Variants in KCNC2 observed in about 807,000 individuals in gnomAD.
KCNC2 encodes voltage-gated potassium channel KCNC2.
A neutral mutation model predicts 44.5 loss-of-function variants in KCNC2; 21 were observed. The ratio of observed to expected loss-of-function variants is 0.47; its 90% CI spans 0.33 to 0.68. The LOEUF is 0.68. Among genes scored for constraint, KCNC2 ranks in the 30% least tolerant of loss-of-function variants. The pLI is 0.01. For missense variants in KCNC2, 589 were observed against 826.2 expected, an observed-to-expected ratio of 0.71 and a Z score of 3.52; for synonymous variants, 391 against 339.1, an observed-to-expected ratio of 1.15 and a Z score of -1.68.
intron 2 of KCNC2, among the ~76,000 whole-genome samples, chr12:75,065,536 C>T (rs1371620049): frequency 1.3e-5 from 2 of 151,918 alleles, no homozygotes; most frequent in Admixed American, 6.6e-5. Flanking sequence ...GATTATAAAA[C>T]CATGTTTTTA....
At chr12:75,092,090 A>G (rs1885531346) in intron 2 of KCNC2, among the ~76,000 whole-genome samples, 1 of 151,664 alleles carries the variant, frequency 6.6e-6, no homozygotes, top group African/African-American at 2.4e-5. Context: ...CTTGATTGAA[A>G]TGCAGATTTC....
chr12:75,062,340 A>T (rs927759359), intron 2 of KCNC2, among the ~76,000 whole-genome samples: 2 of 152,146 alleles, frequency 1.3e-5, no homozygotes, highest in African/African-American at 4.8e-5. Flanking sequence ...ACATGCATAC[A>T]TGCTAAACTC....
At chr12:75,200,496 A>G (rs573130050) in intron 2 of KCNC2, among the ~76,000 whole-genome samples, 2 of 151,822 alleles carry the variant, frequency 1.3e-5, no homozygotes, top group Admixed American at 6.6e-5. Flanking sequence ...ACTTAAAGCC[A>G]TATTCCCACA....
At chr12:75,179,270 T>G (rs1157746673) in intron 2 of KCNC2, among the ~76,000 whole-genome samples, 1 of 151,990 alleles carries the variant, frequency 6.6e-6, no homozygotes, top group African/African-American at 2.4e-5. Flanking sequence ...GCGAAATTTT[T>G]TTTAACTGAA....
chr12:75,063,345 A>T (rs1882526219), intron 2 of KCNC2, among the ~76,000 whole-genome samples: 1 of 152,108 alleles, frequency 6.6e-6, no homozygotes, highest in Non-Finnish European at 1.5e-5. Flanking sequence ...ATCAATACTC[A>T]ACATATGATT....
intron 2 of KCNC2, among the ~76,000 whole-genome samples, chr12:75,176,466 C>A (rs967759468): frequency 1.3e-5 from 2 of 151,944 alleles, no homozygotes; most frequent in Non-Finnish European, 2.9e-5. Flanking sequence ...CCTGTAAGAT[C>A]TAGTGCCCTA....
intron 2 of KCNC2, among the ~76,000 whole-genome samples, chr12:75,152,347 C>T (rs539100968): frequency 1.1e-4 from 16 of 151,612 alleles, no homozygotes; most frequent in East Asian, 5.8e-4. Context: ...AACAAAAACA[C>T]GTTATTAAAA....
At chr12:75,077,237 T>C (rs1293983104) in intron 2 of KCNC2, among the ~76,000 whole-genome samples, 3 of 152,172 alleles carry the variant, frequency 2.0e-5, no homozygotes, top group African/African-American at 7.2e-5. Context: ...GTATGAGCAT[T>C]TTCTGGGGGA....
Position 75,042,103 on chromosome 12 carries a change from A to T in KCNC2, c.*1002T>A. 1 of 1,239,232 alleles carries T rather than the reference A, an allele frequency of 8.1e-7. No individual in the cohort carries two copies. The highest frequency in any genetic ancestry group is 1.0e-6 in the Non-Finnish European group (1 of 991,148). 76.8% of individuals were successfully genotyped at this position (1,239,232 alleles called of 1,614,324 possible). A position where few individuals can be genotyped will look rare whatever the true frequency, so the allele number is the denominator to read the frequency against. On this transcript the variant is annotated 3_prime_UTR_variant, in exon 5 of 5. Transcript: ENST00000549446. ...ACCAGTGACATTTGATGTTTGCACA[A>T]AAAATTAATAAATAAAAATAAAATA...
At chr12:75,145,539 C>T (rs1303713372) in intron 2 of KCNC2, among the ~76,000 whole-genome samples, 1 of 150,740 alleles carries the variant, frequency 6.6e-6, no homozygotes, top group Non-Finnish European at 1.5e-5. Context: ...CATTTTTAAT[C>T]TTATTTTATA....
intron 2 of KCNC2, among the ~76,000 whole-genome samples, chr12:75,203,760 G>A (rs982508863): frequency 1.3e-5 from 2 of 151,796 alleles, no homozygotes; most frequent in Non-Finnish European, 3.0e-5. Flanking sequence ...TAAGTGAAAA[G>A]AAGAGAAAGA....
At position 75,042,290 on chromosome 12, in the gene KCNC2, T is replaced by G; in HGVS notation, c.*815A>C. On this transcript the variant is annotated 3_prime_UTR_variant, in exon 5 of 5. Coordinates refer to ENST00000549446, the MANE Select transcript of KCNC2 (RefSeq NM_139137.4). ...CTGGCTGGCAGTTACCTTTCTCTCA[T>G]GTTTTGTGCCTTCCCCAAGTCATTA... is the stretch of plus-strand genomic sequence containing the variant. 1 of 1,610,228 alleles carries G rather than the reference T, an allele frequency of 6.2e-7. No homozygotes were observed. Among genetic ancestry groups the G allele is most frequent in the Non-Finnish European group, 8.5e-7 (1 of 1,177,906 alleles).
At position 75,103,967 on chromosome 12, in the gene KCNC2, G is replaced by A. The variant is rs77610450; in HGVS notation, c.688-52650C>T. Among the ~76,000 whole-genome samples, 1,255 of 152,038 alleles carry A rather than the reference G, an allele frequency of 8.3e-3. 12 individuals are homozygous for A. The highest frequency in any genetic ancestry group is 0.012 in the Non-Finnish European group (795 of 67,972). Reference sequence around the variant, plus strand: ...GAAGAGGTGAAGTGAGGTGAGTGACGTAGGTATTGTGGTGTGAGTGTTAGG... The same window carrying A: ...GAAGAGGTGAAGTGAGGTGAGTGACATAGGTATTGTGGTGTGAGTGTTAGG... On this transcript the variant is annotated intron_variant, in intron 2 of 4. Coordinates refer to ENST00000549446, the MANE Select transcript of KCNC2 (RefSeq NM_139137.4).
At chr12:75,156,259 T>TG (rs984933385) in intron 2 of KCNC2, among the ~76,000 whole-genome samples, 21 of 151,748 alleles carry the variant, frequency 1.4e-4, no homozygotes, top group African/African-American at 5.1e-4. Flanking sequence ...ATTTTTTTTT[T>TG]GTACAATTTG....
chr12:75,043,703 T>G, intron 4 of KCNC2: 1 of 1,405,898 alleles, frequency 7.1e-7, no homozygotes, highest in Non-Finnish European at 9.3e-7. Context: ...GACAACTCTT[T>G]TTCCAGCATA....
intron 2 of KCNC2, among the ~76,000 whole-genome samples, chr12:75,119,444 C>G (rs1286573649): frequency 6.6e-6 from 1 of 152,130 alleles, no homozygotes; most frequent in East Asian, 1.9e-4. Context: ...CTCAAAATAA[C>G]ACTGTAATAT....
At chr12:75,046,684 T>G (rs1384285119) in intron 4 of KCNC2, among the ~76,000 whole-genome samples, 1 of 151,756 alleles carries the variant, frequency 6.6e-6, no homozygotes, top group Non-Finnish European at 1.5e-5. Flanking sequence ...CAAAATATAT[T>G]TAAAGATTTT....
At chr12:75,080,922 T>G (rs1441662428) in intron 2 of KCNC2, among the ~76,000 whole-genome samples, 1 of 152,108 alleles carries the variant, frequency 6.6e-6, no homozygotes, top group African/African-American at 2.4e-5. Context: ...TCAACATGTA[T>G]CAGAATTCCC....
intron 2 of KCNC2, among the ~76,000 whole-genome samples, chr12:75,077,740 T>C (rs985123837): frequency 2.0e-5 from 3 of 152,150 alleles, no homozygotes; most frequent in African/African-American, 7.2e-5. Context: ...TTAGAACACC[T>C]AAGTTACGAT....
Sources: allele counts gnomAD v4.1 joint callset (sites outside exome capture counted in the v4.1 genomes callset), GRCh38; gene constraint gnomAD v4.1.1; transcripts MANE v1.5; gene names NCBI Gene and HGNC (gene_info 2026-07-23, HGNC 2026-07-21).